Variants in GPHN observed in about 807,000 individuals in gnomAD.
GPHN encodes the protein gephyrin.
Under a neutral mutation model 95.5 loss-of-function variants are expected in GPHN, and 17 were observed. The ratio of observed to expected loss-of-function variants is 0.18; its 90% CI spans 0.12 to 0.27. GPHN has a LOEUF of 0.27. Among genes scored for constraint, GPHN ranks in the 10% least tolerant of loss-of-function variants. The pLI, the probability that GPHN is intolerant of heterozygous loss-of-function variation, is 1.00. For synonymous variants in GPHN, 320 were observed against 322.5 expected (o/e 0.99, Z 0.08); for missense variants, 660 against 978.1 (o/e 0.67, Z 4.34).
intron 1 of GPHN, among the ~76,000 whole-genome samples, chr14:66,583,176 A>C (rs898190749): frequency 1.3e-5 from 2 of 152,110 alleles, no homozygotes; most frequent in African/African-American, 4.8e-5. Context: ...GGCTGCATAA[A>C]TGTCTTCTTT....
the GPHN span, among the ~76,000 whole-genome samples, chr14:67,422,265 T>A: frequency 1.3e-5 from 2 of 152,152 alleles, no homozygotes; most frequent in African/African-American, 2.4e-5. Context: ...CTGTTCACCT[T>A]GTCCTGCCTT....
chr14:66,593,522 A>G (rs1011011887), intron 1 of GPHN, among the ~76,000 whole-genome samples: 1 of 152,102 alleles, frequency 6.6e-6, no homozygotes, highest in East Asian at 1.9e-4. Flanking sequence ...ATGAGAACTC[A>G]CTATCATGAG....
chr14:67,016,409 A>T (rs1018109034), intron 9 of GPHN, among the ~76,000 whole-genome samples: 5 of 152,114 alleles, frequency 3.3e-5, no homozygotes, highest in Non-Finnish European at 5.9e-5. Context: ...TGAAATCATT[A>T]TAAACATAAA....
chr14:67,212,608 T>TATGTAATATATATTATATATA, the GPHN span, among the ~76,000 whole-genome samples: 1 of 145,092 alleles, frequency 6.9e-6, no homozygotes, highest in African/African-American at 2.5e-5. Flanking sequence ...AATATATATA[T>TATGTAATATATATTATATATA]ATATATGTAA....
chr14:67,323,633 T>TATATATATAC, the GPHN span: 3 of 411,118 alleles, frequency 7.3e-6, no homozygotes, highest in African/African-American at 6.6e-5. Context: ...TATATATATA[T>TATATATATAC]ATATCAGTAT....
At chr14:67,205,130 A>G in the GPHN span, 1 of 1,507,472 alleles carries the variant, frequency 6.6e-7, no homozygotes, top group Non-Finnish European at 8.9e-7. Context: ...ATAATCGAGA[A>G]CTAGAGGGGT....
intron 9 of GPHN, among the ~76,000 whole-genome samples, chr14:66,975,144 G>A (rs1179132950): frequency 6.6e-6 from 1 of 151,942 alleles, no homozygotes; most frequent in Non-Finnish European, 1.5e-5. Flanking sequence ...AATATTACTT[G>A]GATTTTTGAT....
At chr14:66,790,342 C>T (rs72728650) in intron 3 of GPHN, among the ~76,000 whole-genome samples, 3,695 of 152,216 alleles carry the variant, frequency 0.024, 69 homozygotes, top group Non-Finnish European at 0.036. Flanking sequence ...TACTCATTAC[C>T]TAGGCTGAAA....
chr14:66,543,503 A>G (rs370664429), intron 1 of GPHN, among the ~76,000 whole-genome samples: 1 of 152,168 alleles, frequency 6.6e-6, no homozygotes, highest in Non-Finnish European at 1.5e-5. Flanking sequence ...AAATTTATGT[A>G]CCTGTTTAAG....
chr14:67,109,237 G>A (rs1283203175), intron 13 of GPHN, among the ~76,000 whole-genome samples: 1 of 152,152 alleles, frequency 6.6e-6, no homozygotes, highest in Non-Finnish European at 1.5e-5. Context: ...ATACTTATGA[G>A]GCAGACATCT....
chr14:67,519,832 C>T, the GPHN span, among the ~76,000 whole-genome samples: 65,217 of 151,744 alleles, frequency 0.43, 14,367 homozygotes, highest in Non-Finnish European at 0.48. Context: ...AAGCGATTCT[C>T]CTGCTTCAGC....
At chr14:67,043,222 C>A (rs1439974910) in intron 10 of GPHN, among the ~76,000 whole-genome samples, 1 of 151,666 alleles carries the variant, frequency 6.6e-6, no homozygotes, top group Non-Finnish European at 1.5e-5. Context: ...TATCCTTTAT[C>A]GCTTTCTCTT....
rs865907967 is a variant in GPHN, at chr14:67,181,307, T to A, written c.*370T>A. 2 of 433,478 alleles carry A rather than the reference T, an allele frequency of 4.6e-6. No individual in the cohort carries two copies. The highest frequency in any genetic ancestry group is 4.3e-4 in the Middle Eastern group (1 of 2,350). The allele number at this position is 433,478 out of a possible 1,614,324, so 26.9% of individuals were successfully genotyped here. A position where few individuals can be genotyped will look rare whatever the true frequency, so the allele number is the denominator to read the frequency against. On this transcript the variant is annotated 3_prime_UTR_variant, in exon 23 of 23. Coordinates refer to ENST00000478722, the MANE Select transcript of GPHN (RefSeq NM_020806.5). Reference sequence around the variant, plus strand: ...TGCTCTTAAATCAAGGCTGTCTGCTTATTTATACTAGCGTAGGCAACACTT... The same window carrying A: ...TGCTCTTAAATCAAGGCTGTCTGCTAATTTATACTAGCGTAGGCAACACTT...
intron 4 of GPHN, among the ~76,000 whole-genome samples, chr14:66,841,176 A>G (rs983099864): frequency 3.9e-5 from 6 of 152,144 alleles, no homozygotes; most frequent in African/African-American, 1.2e-4. Context: ...AGTAAACTCT[A>G]TAGAACTGGA....
intron 4 of GPHN, among the ~76,000 whole-genome samples, chr14:66,834,175 T>A (rs763733149): frequency 5.3e-5 from 8 of 152,310 alleles, no homozygotes; most frequent in Non-Finnish European, 1.0e-4. Flanking sequence ...ATGACATTTC[T>A]GATATTTGAA....
At chr14:67,585,380 C>T in the GPHN span, 2 of 572,308 alleles carry the variant, frequency 3.5e-6, no homozygotes, top group African/African-American at 1.9e-5. Context: ...GGCCAAGGGT[C>T]TCCTGTCACA....
At chr14:67,378,930 CAT>C in the GPHN span, among the ~76,000 whole-genome samples, 4 of 152,174 alleles carry the variant, frequency 2.6e-5, no homozygotes, top group Admixed American at 1.3e-4. Flanking sequence ...TGTTTTACTA[CAT>C]ATGTGTCTAT....
At chr14:67,208,815 T>C in the GPHN span, among the ~76,000 whole-genome samples, 1 of 150,816 alleles carries the variant, frequency 6.6e-6, no homozygotes, top group Non-Finnish European at 1.5e-5. Context: ...GAGAATTGCT[T>C]GAACTCAGAA....
chr14:66,777,943 T>C (rs2059444676), intron 3 of GPHN, among the ~76,000 whole-genome samples: 1 of 152,082 alleles, frequency 6.6e-6, no homozygotes, highest in African/African-American at 2.4e-5. Context: ...TCACCACTCC[T>C]ATTCAACATA....
Sources: gnomAD v4.1 joint callset for allele counts (sites outside exome capture counted in the v4.1 genomes callset) on GRCh38, gnomAD v4.1.1 for gene constraint, MANE v1.5 for transcripts, NCBI Gene and HGNC (gene_info 2026-07-23, HGNC 2026-07-21) for gene names.